PLA2G4C: variants seen among roughly 807,000 people sequenced by gnomAD.
PLA2G4C encodes the protein cytosolic phospholipase A2 gamma.
A neutral mutation model predicts 73.8 loss-of-function variants in PLA2G4C; 64 were observed. The ratio of observed to expected loss-of-function variants is 0.87; its 90% CI spans 0.71 to 1.07. The LOEUF (loss-of-function observed/expected upper bound fraction) is 1.07, where lower values mean the gene tolerates loss of function less well. Among genes scored for constraint, PLA2G4C ranks in the 50% least tolerant of loss-of-function variants. The pLI, the probability that PLA2G4C is intolerant of heterozygous loss-of-function variation, is 0.00. For missense variants in PLA2G4C, 622 were observed against 665.4 expected (o/e 0.93, Z 0.72); for synonymous variants, 254 against 252.1 (o/e 1.01, Z -0.07).
chr19:48,106,138 G>A (rs1026690307), intron 2 of PLA2G4C, among the ~76,000 whole-genome samples: 2 of 150,044 alleles, frequency 1.3e-5, no homozygotes, highest in Non-Finnish European at 3.0e-5. Context: ...CCACCAGTGC[G>A]GTGGTGCAAT....
chr19:48,083,404 TTTTTTG>T (rs1457647401), intron 10 of PLA2G4C, among the ~76,000 whole-genome samples: 3 of 150,486 alleles, frequency 2.0e-5, no homozygotes, highest in Non-Finnish European at 4.4e-5. Context: ...TTTTTTTTTT[TTTTTTG>T]TTTGTTTCAT....
In PLA2G4C at chr19:48,050,673, C is replaced by CTTTTTTTTTTTTTTTTTTTT. The variant is rs5828330; in HGVS notation, c.1581-2286_1581-2285insAAAAAAAAAAAAAAAAAAAA. ...ATCCCTAGAGCCTGTGAGTATGTGA[C>CTTTTTTTTTTTTTTTTTTTT]TTTTTTTTTTTTTTTTTTTGAGACA... On this transcript the variant is annotated intron_variant, in intron 16 of 16. Coordinates refer to ENST00000599921, the MANE Select transcript of PLA2G4C (RefSeq NM_003706.3). 2.7e-4 allele frequency among the ~76,000 whole-genome samples: 21 copies of CTTTTTTTTTTTTTTTTTTTT among 78,750 alleles called. 6 individuals are homozygous for CTTTTTTTTTTTTTTTTTTTT. Among genetic ancestry groups the CTTTTTTTTTTTTTTTTTTTT allele is most frequent in the Middle Eastern group, 0.013 (1 of 80 alleles). 51.7% of individuals were successfully genotyped at this position (78,750 alleles called of 152,430 possible).
chr19:48,057,374 A>G (rs1047502502), intron 14 of PLA2G4C, among the ~76,000 whole-genome samples: 3 of 151,568 alleles, frequency 2.0e-5, no homozygotes, highest in Non-Finnish European at 4.4e-5. Context: ...TTATGTACTC[A>G]AAGGTGGCTT....
At position 48,054,967 on chromosome 19, in the gene PLA2G4C, G is replaced by T; in HGVS notation, c.1340C>A (p.Ser447Tyr). 6.2e-7 allele frequency: 1 copy of T among 1,613,808 alleles called. No individual in the cohort carries two copies. The highest frequency in any genetic ancestry group is 8.5e-7 in the Non-Finnish European group (1 of 1,179,978). ...GATGTAGCAGCTGGCGGGGGCCTTG[G>T]ACCACAAATCCAGCTCAGCCTCTTC... ...QVEEAELDLW[S>Y]KAPASCYILK... The change falls in exon 15 of 17, where the codon TCC becomes TAC. Residue 447 changes from serine (S) to tyrosine (Y), a missense_variant. Coordinates refer to ENST00000599921, the MANE Select transcript of PLA2G4C (RefSeq NM_003706.3).
Position 48,088,678 on chromosome 19 carries a change from A to G in PLA2G4C, c.790+8T>C. On this transcript the variant is annotated splice_region_variant and intron_variant, in intron 9 of 16. Transcript: ENST00000599921. ...CATCAGGGATTCATGATGAAGTAGG[A>G]TGCTTACCTTTCAGGGTCAGATTCC... 6.2e-7 allele frequency: 1 copy of G among 1,602,878 alleles called. No homozygotes were observed. The highest frequency in any genetic ancestry group is 8.5e-7 in the Non-Finnish European group (1 of 1,169,734).
intron 4 of PLA2G4C, among the ~76,000 whole-genome samples, chr19:48,101,124 A>ATTTTT (rs1264472851): frequency 3.2e-4 from 19 of 59,450 alleles, no homozygotes; most frequent in African/African-American, 1.9e-3. Context: ...ATATATATAT[A>ATTTTT]TATTTTTTTT....
intron 6 of PLA2G4C, among the ~76,000 whole-genome samples, chr19:48,096,409 C>T (rs1413305623): frequency 6.6e-6 from 1 of 151,904 alleles, no homozygotes; most frequent in Non-Finnish European, 1.5e-5. Flanking sequence ...ATGGTGACAC[C>T]CCATCCCTAC....
chr19:48,071,615 A>G (rs1477527283), intron 12 of PLA2G4C, among the ~76,000 whole-genome samples: 2 of 149,454 alleles, frequency 1.3e-5, no homozygotes, highest in Non-Finnish European at 3.0e-5. Context: ...TTATATTTTT[A>G]TTTATTTATT....
chr19:48,087,000 GA>G (rs2031017808), intron 9 of PLA2G4C, among the ~76,000 whole-genome samples: 1 of 152,180 alleles, frequency 6.6e-6, no homozygotes, highest in South Asian at 2.1e-4. Flanking sequence ...ATTCCTTGGA[GA>G]CATTCCCAAG....
rs201941763 is a variant in PLA2G4C, at chr19:48,053,368, T to TC, written c.1430-222_1430-221insG. Among the ~76,000 whole-genome samples the TC allele has an allele frequency of 3.5e-3, 313 of 89,984 alleles. 4 individuals carry two copies. The highest frequency in any genetic ancestry group is 6.8e-3 in the South Asian group (17 of 2,492). 59.0% of individuals were successfully genotyped at this position (89,984 alleles called of 152,430 possible). On this transcript the variant is annotated intron_variant, in intron 15 of 16. Coordinates refer to ENST00000599921, the MANE Select transcript of PLA2G4C (RefSeq NM_003706.3). ...TGCCCCTTCCGGTCCTTTTTTCTTT[T>TC]TTTTTTTTTTTTTTTTTTGAGACAG...
At chr19:48,088,374 G>T (rs75599907) in intron 9 of PLA2G4C, among the ~76,000 whole-genome samples, 1 of 146,632 alleles carries the variant, frequency 6.8e-6, no homozygotes, top group Non-Finnish European at 1.5e-5. Flanking sequence ...GCGGAAAAAA[G>T]AAAAAAAAAA....
intron 10 of PLA2G4C, among the ~76,000 whole-genome samples, chr19:48,081,030 T>C (rs1444271549): frequency 6.9e-6 from 1 of 144,636 alleles, no homozygotes; most frequent in African/African-American, 2.6e-5. Flanking sequence ...CTGGGCGCAG[T>C]GGTGGGTGCC....
rs766969336 is a variant in PLA2G4C at position 48,099,873 on chromosome 19, G to C, written c.258-13C>G. On this transcript the variant is annotated splice_polypyrimidine_tract_variant and intron_variant, in intron 4 of 16. Transcript: ENST00000599921. ...AGAAGATATTGCCCTGGAGGACAGA[G>C]GAAGAGAGTGAGTTGGGCATTTTAA... The C allele has an allele frequency of 6.3e-7, 1 of 1,592,742 alleles. No homozygotes were observed. Among genetic ancestry groups the C allele is most frequent in the Non-Finnish European group, 8.6e-7 (1 of 1,162,726 alleles).
chr19:48,110,362 A>AT, intron 1 of PLA2G4C, 125 bp downstream of exon 1: 1 of 610,390 alleles, frequency 1.6e-6, no homozygotes, highest in Non-Finnish European at 2.5e-6. Context: ...AAATAAATAA[A>AT]TAAATAAAAT....
intron 12 of PLA2G4C, among the ~76,000 whole-genome samples, chr19:48,071,534 C>T (rs986355081): frequency 4.6e-5 from 7 of 152,016 alleles, no homozygotes; most frequent in African/African-American, 1.7e-4. Flanking sequence ...TGACCTCAAG[C>T]GATCCGCCCA....
chr19:48,070,064 C>T (rs868618586), intron 12 of PLA2G4C, among the ~76,000 whole-genome samples: 7 of 152,020 alleles, frequency 4.6e-5, no homozygotes, highest in Middle Eastern at 3.4e-3. Flanking sequence ...GCCACTGCAC[C>T]GGGCCCCTGA....
chr19:48,067,585 C>T (rs745648404), intron 13 of PLA2G4C, among the ~76,000 whole-genome samples: 27 of 152,246 alleles, frequency 1.8e-4, no homozygotes, highest in Non-Finnish European at 3.1e-4. Flanking sequence ...GACTGGGACT[C>T]GCAGCGAGGC....
intron 14 of PLA2G4C, among the ~76,000 whole-genome samples, chr19:48,057,720 C>T (rs1968010970): frequency 6.7e-6 from 1 of 150,270 alleles, no homozygotes. Flanking sequence ...AAACACCTGA[C>T]CTCAGGTGAT....
Position 48,048,195 on chromosome 19 carries a change from C to T in PLA2G4C, c.*148G>A. 1.6e-6 allele frequency: 1 copy of T among 612,948 alleles called. No homozygotes were observed. The allele number at this position is 612,948 out of a possible 1,614,324, so 38.0% of individuals were successfully genotyped here. A position where few individuals can be genotyped will look rare whatever the true frequency, so the allele number is the denominator to read the frequency against. The stretch of plus-strand genomic sequence containing the variant: ...CTATCAAAATCACAGTCTAGCTGGT[C>T]ACTGGTGATTGGCCCTGTTAGGACA... On this transcript the variant is annotated 3_prime_UTR_variant, in exon 17 of 17. Coordinates refer to ENST00000599921, the MANE Select transcript of PLA2G4C (RefSeq NM_003706.3).
Sources: allele counts gnomAD v4.1 joint callset (sites outside exome capture counted in the v4.1 genomes callset), GRCh38; gene constraint gnomAD v4.1.1; transcripts MANE v1.5; gene names NCBI Gene and HGNC (gene_info 2026-07-23, HGNC 2026-07-21).